Variants in C3orf20 observed in about 807,000 individuals in gnomAD.
C3orf20 encodes family with sequence similarity 149 member C.
A neutral mutation model predicts 88.3 loss-of-function variants in C3orf20; 76 were observed. The ratio of observed to expected loss-of-function variants is 0.86; its 90% CI spans 0.72 to 1.04. The LOEUF is 1.04. Ranked by LOEUF, C3orf20 falls within the 50% of genes least tolerant of loss-of-function variation. The pLI, the probability that C3orf20 is intolerant of heterozygous loss-of-function variation, is 0.00. For missense variants in C3orf20, 1,056 were observed against 1,123.3 expected, an observed-to-expected ratio of 0.94 and a Z score of 0.86; for synonymous variants, 436 against 437.4, an observed-to-expected ratio of 1.00 and a Z score of 0.04.
intron 12 of C3orf20, among the ~76,000 whole-genome samples, chr3:14,737,889 A>G (rs940193428): frequency 2.0e-5 from 3 of 152,222 alleles, no homozygotes; most frequent in African/African-American, 7.2e-5. Context: ...CATCTTCACC[A>G]GGAGTAGATT....
intron 12 of C3orf20, among the ~76,000 whole-genome samples, chr3:14,731,905 A>G (rs1448156137): frequency 6.6e-6 from 1 of 152,214 alleles, no homozygotes; most frequent in Non-Finnish European, 1.5e-5. Flanking sequence ...CCACTGAAAG[A>G]CATTTGGATT....
chr3:14,765,870 G>A lies in C3orf20; in HGVS notation c.2495+4255G>A, dbSNP rs556668604. Among the ~76,000 whole-genome samples, 26 of 152,332 alleles carry A rather than the reference G, an allele frequency of 1.7e-4. 1 individual carries two copies. The South Asian group carries it at 2.9e-3, about 17-fold the overall frequency. On this transcript the variant is annotated intron_variant, in intron 15 of 16. Transcript: ENST00000253697. ...AGGAAGAGGAACCCACAAAGGAGTC[G>A]GACCATAGGTGCTGGGGAAGAAAGG...
At chr3:14,720,712 G>T (rs1009475017) in intron 9 of C3orf20, among the ~76,000 whole-genome samples, 1 of 152,226 alleles carries the variant, frequency 6.6e-6, no homozygotes, top group African/African-American at 2.4e-5. Context: ...GGGTCCCTGC[G>T]TATAAATTGT....
At chr3:14,750,782 CTT>C (rs2035197630) in intron 12 of C3orf20, among the ~76,000 whole-genome samples, 2 of 148,716 alleles carry the variant, frequency 1.3e-5, no homozygotes, top group Non-Finnish European at 2.9e-5. Context: ...ATGTAGATCT[CTT>C]TGAATTTATC....
At chr3:14,745,158 T>C (rs2035024374) in intron 12 of C3orf20, among the ~76,000 whole-genome samples, 1 of 152,110 alleles carries the variant, frequency 6.6e-6, no homozygotes, top group Non-Finnish European at 1.5e-5. Flanking sequence ...CTGAAGAGGT[T>C]AGATTTGATG....
intron 7 of C3orf20, among the ~76,000 whole-genome samples, chr3:14,709,013 A>C (rs1348651359): frequency 6.6e-6 from 1 of 152,246 alleles, no homozygotes; most frequent in East Asian, 1.9e-4. Context: ...AAACAAGAAC[A>C]AAAAAGCAAT....
At chr3:14,721,963 A>T (rs116132912) in intron 10 of C3orf20, 179 bp downstream of exon 10, 7 of 694,038 alleles carry the variant, frequency 1.0e-5, no homozygotes, top group Non-Finnish European at 1.7e-5. Flanking sequence ...GAAACTTCTT[A>T]TATCAATTAA....
intron 3 of C3orf20, among the ~76,000 whole-genome samples, chr3:14,684,005 G>A (rs1275143136): frequency 6.6e-6 from 1 of 151,904 alleles, no homozygotes; most frequent in East Asian, 1.9e-4. Context: ...GAAACCAATA[G>A]CATCGGTACC....
At chr3:14,696,346 A>C (rs566930429) in intron 5 of C3orf20, among the ~76,000 whole-genome samples, 54 of 148,330 alleles carry the variant, frequency 3.6e-4, no homozygotes, top group African/African-American at 1.2e-3. Context: ...TTATTGTACG[A>C]TATCTTGAAA....
chr3:14,702,440 CTTT>C (rs34341509), intron 5 of C3orf20, among the ~76,000 whole-genome samples: 30 of 116,522 alleles, frequency 2.6e-4, no homozygotes, highest in Admixed American at 2.7e-4. Context: ...CCTCACATAT[CTTT>C]TTTTTTTTTT....
At chr3:14,747,342 A>G (rs543710856) in intron 12 of C3orf20, among the ~76,000 whole-genome samples, 1 of 152,342 alleles carries the variant, frequency 6.6e-6, no homozygotes, top group African/African-American at 2.4e-5. Context: ...ATCTCTGGTT[A>G]TAGTGGTTAT....
At chr3:14,739,288 A>G (rs1173612083) in intron 12 of C3orf20, among the ~76,000 whole-genome samples, 1 of 152,228 alleles carries the variant, frequency 6.6e-6, no homozygotes, top group African/African-American at 2.4e-5. Context: ...TAGGCATAAA[A>G]ATAATAATCT....
chr3:14,744,027 C>A (rs1399588492), intron 12 of C3orf20, among the ~76,000 whole-genome samples: 2 of 152,064 alleles, frequency 1.3e-5, no homozygotes, highest in African/African-American at 4.8e-5. Context: ...CTCCTTGCTG[C>A]TTATGCAAAT....
At chr3:14,700,109 C>T (rs1032915046) in intron 5 of C3orf20, among the ~76,000 whole-genome samples, 41 of 152,318 alleles carry the variant, frequency 2.7e-4, no homozygotes, top group African/African-American at 9.6e-4. Flanking sequence ...CTGTGCCTTG[C>T]AGCTGCTGCT....
intron 4 of C3orf20, among the ~76,000 whole-genome samples, chr3:14,688,529 CAAA>C (rs35979290): frequency 2.8e-5 from 3 of 105,850 alleles, no homozygotes; most frequent in Non-Finnish European, 3.6e-5. Context: ...GAGACTGTCT[CAAA>C]AAAAAAAAAA....
At chr3:14,683,412 A>G (rs188742894) in intron 3 of C3orf20, among the ~76,000 whole-genome samples, 1 of 152,206 alleles carries the variant, frequency 6.6e-6, no homozygotes, top group East Asian at 1.9e-4. Context: ...AAGGTTAGTA[A>G]TAGGAATGTG....
At position 14,757,525 on chromosome 3, in the gene C3orf20, C is replaced by T. The variant is rs1041167391; in HGVS notation, c.2095C>T (p.Arg699Cys). ...CCTGGTCTCTGACGTGGAGCTGGAG[C>T]GCTTCCTGTTGGCGCCCCGAGACCC... The part of the protein sequence containing the change: ...APLVSDVELE[R>C]FLLAPRDPSQ... The change falls in exon 13 of 17, where the codon CGC becomes TGC. Residue 699 changes from arginine (R) to cysteine (C), a missense_variant. By Grantham distance (180) the Arg-to-Cys change is radical (BLOSUM62 -3). Transcript: ENST00000253697. 28 of 1,613,938 alleles carry T rather than the reference C, an allele frequency of 1.7e-5. No individual in the cohort carries two copies. The highest frequency in any genetic ancestry group is 1.3e-4 in the African/African-American group (10 of 74,926).
chr3:14,717,776 G>C (rs1281675564), intron 9 of C3orf20, among the ~76,000 whole-genome samples: 1 of 151,832 alleles, frequency 6.6e-6, no homozygotes, highest in Non-Finnish European at 1.5e-5. Flanking sequence ...GTATTCTTCT[G>C]GCAATGTTTT....
chr3:14,743,990 C>T (rs181169642), intron 12 of C3orf20, among the ~76,000 whole-genome samples: 14 of 152,170 alleles, frequency 9.2e-5, no homozygotes, highest in Non-Finnish European at 2.1e-4. Context: ...AGACATTTTT[C>T]CCATGGTCTT....
Sources: gnomAD v4.1 joint callset for allele counts (sites outside exome capture counted in the v4.1 genomes callset) on GRCh38, gnomAD v4.1.1 for gene constraint, MANE v1.5 for transcripts, NCBI Gene and HGNC (gene_info 2026-07-23, HGNC 2026-07-21) for gene names.